ABCB9: variants seen among roughly 807,000 people sequenced by gnomAD.
ABCB9 encodes the protein ABC-type oligopeptide transporter ABCB9.
Under a neutral mutation model 62.0 loss-of-function variants are expected in ABCB9, and 36 were observed. The ratio of observed to expected loss-of-function variants is 0.58; its 90% CI spans 0.45 to 0.77. The LOEUF is 0.77. Ranked by LOEUF, ABCB9 falls within the 30% of genes least tolerant of loss-of-function variation. ABCB9 has a pLI of 0.00. For missense variants in ABCB9, 943 were observed against 1,054.7 expected, an observed-to-expected ratio of 0.89 and a Z score of 1.47; for synonymous variants, 435 against 461.4, an observed-to-expected ratio of 0.94 and a Z score of 0.73.
rs1233986604 is a variant in ABCB9, at chr12:122,944,044, TTCTCC to T, written c.1380+342_1380+346del. ...ACCTCTGCCTCCAGGGTTCAAGCAA[TTCTCC>T]TCTCAAGTAGCTGGGATTACAGGTA... is the stretch of plus-strand genomic sequence containing the variant. On this transcript the variant is annotated intron_variant, in intron 7 of 11. Transcript: ENST00000280560. This position sits in a 1 kb window ranked among gnomAD's most constrained non-coding sequence, Gnocchi z 4.9. 6.6e-6 allele frequency among the ~76,000 whole-genome samples: 1 copy of T among 152,188 alleles called. No individual in the cohort carries two copies. The highest frequency in any genetic ancestry group is 1.5e-5 in the Non-Finnish European group (1 of 68,032).
downstream of ABCB9, among the ~76,000 whole-genome samples, chr12:122,919,881 G>GTTTA (rs200114805): frequency 0.051 from 7,115 of 138,766 alleles, 272 homozygotes; most frequent in South Asian, 0.18. Flanking sequence ...CTGTTTGTTT[G>GTTTA]TTTATTTATT....
At position 122,948,792 on chromosome 12, in the gene ABCB9, C is replaced by A; in HGVS notation, c.885G>T (p.Met295Ile). ...LISRLTSDTT[M>I]VSDLVSQNIN... ...TGTTCTGGGAGACCAGGTCGCTGAC[C>A]ATGGTGGTGTCCGAGGTCAGGCGGG... Residue 295 changes from methionine (M) to isoleucine (I), a missense_variant, in exon 5 of 12, where the codon ATG (methionine) becomes ATT (isoleucine). By Grantham distance (10) the Met-to-Ile change is conservative. Transcript: ENST00000280560. 1 of 1,599,820 alleles carries A rather than the reference C, an allele frequency of 6.3e-7. No individual in the cohort carries two copies. Among genetic ancestry groups the A allele is most frequent in the Non-Finnish European group, 8.5e-7 (1 of 1,172,436 alleles).
chr12:122,925,388 T>C (rs1275685122), downstream of ABCB9, among the ~76,000 whole-genome samples: 1 of 152,030 alleles, frequency 6.6e-6, no homozygotes, highest in Non-Finnish European at 1.5e-5. Flanking sequence ...AGAGTTCTCA[T>C]GGGACCCAGC....
intron 1 of ABCB9, among the ~76,000 whole-genome samples, chr12:122,973,495 C>T (rs1222597752): frequency 8.1e-6 from 1 of 123,372 alleles, no homozygotes; most frequent in Non-Finnish European, 1.6e-5. Context: ...ACCCGGGAAG[C>T]GGAGCTTGCA....
In ABCB9 at chr12:122,947,118, C is replaced by G. The variant is rs1442762810; in HGVS notation, c.1054-896G>C. 6.6e-6 allele frequency among the ~76,000 whole-genome samples: 1 copy of G among 152,164 alleles called. No homozygotes were observed. The highest frequency in any genetic ancestry group is 1.5e-5 in the Non-Finnish European group (1 of 68,028). ...AAACCCAAACAGAGCCTTCCTGAGG[C>G]CTCCCTTAGCTGAACTAAAAGGCAG... On this transcript the variant is annotated intron_variant, in intron 5 of 11. Coordinates refer to ENST00000280560, the MANE Select transcript of ABCB9 (RefSeq NM_019625.4). This position sits in a 1 kb window ranked among gnomAD's most constrained non-coding sequence, Gnocchi z 6.0.
At chr12:122,945,605 C>T (rs117572343) in intron 6 of ABCB9, among the ~76,000 whole-genome samples, 6,546 of 152,184 alleles carry the variant, frequency 0.043, 183 homozygotes, top group Middle Eastern at 0.075. Flanking sequence ...CAGCAGGGCG[C>T]GGTGGCTCAC....
intron 5 of ABCB9, chr12:122,946,479 T>C: frequency 1.9e-6 from 1 of 535,802 alleles, no homozygotes; most frequent in Non-Finnish European, 3.4e-6. Flanking sequence ...ACGGTGCTGA[T>C]CGTTAAGTCA....
At chr12:122,928,865 A>G (rs562953479), downstream of ABCB9, 28 of 292,748 alleles carry the variant, frequency 9.6e-5, no homozygotes, top group African/African-American at 5.0e-4. Context: ...TCCCAGACAC[A>G]GGGGGAGGCC....
chr12:122,960,567 G>A (rs775890927), intron 1 of ABCB9, among the ~76,000 whole-genome samples: 6 of 152,080 alleles, frequency 3.9e-5, no homozygotes, highest in Non-Finnish European at 8.8e-5. Flanking sequence ...CTGCTCTCCT[G>A]GAGATGACAT....
rs747721584 is a variant in ABCB9, at chr12:122,940,845, A to G, written c.1531T>C (p.Phe511Leu). The G allele has an allele frequency of 7.5e-6, 12 of 1,608,654 alleles. No homozygotes were observed. The highest frequency in any genetic ancestry group is 9.4e-6 in the Non-Finnish European group (11 of 1,176,440). Residue 511 changes from phenylalanine to leucine, a missense_variant, in exon 8 of 12, where the codon TTC (phenylalanine) becomes CTC (leucine). Coordinates refer to ENST00000280560, the MANE Select transcript of ABCB9 (RefSeq NM_019625.4). This position sits in a 1 kb window ranked among gnomAD's most constrained non-coding sequence, Gnocchi z 4.8. ...EGRVDFENVTFTYRTRPHTQV... is the reference protein window; with the variant it reads ...EGRVDFENVTLTYRTRPHTQV... ...GTGTGGGGCCGAGTGCGGTAGGTGA[A>G]GGTCACATTCTCAAAGTCCACCCGG...
chr12:122,929,756 G>A lies in ABCB9; in HGVS notation c.*155C>T. On this transcript the variant is annotated 3_prime_UTR_variant, in exon 12 of 12. Coordinates refer to ENST00000280560, the MANE Select transcript of ABCB9 (RefSeq NM_019625.4). This position sits in a 1 kb window ranked among gnomAD's most constrained non-coding sequence, Gnocchi z 6.0. ...GCCCTGGGAATGGGGCAGGGACCAG[G>A]GGCAAGATGCAGGAAGCGGTGATCC... The A allele has an allele frequency of 1.4e-6, 2 of 1,410,614 alleles. No homozygotes were observed. Among genetic ancestry groups the A allele is most frequent in the South Asian group, 1.6e-5 (1 of 61,842 alleles). 87.4% of individuals were successfully genotyped at this position (1,410,614 alleles called of 1,614,324 possible).
downstream of ABCB9, among the ~76,000 whole-genome samples, chr12:122,925,545 GA>G (rs1315492130): frequency 6.6e-6 from 1 of 152,084 alleles, no homozygotes; most frequent in African/African-American, 2.4e-5. Context: ...TCAAGAGATT[GA>G]GACCATTCTG....
chr12:122,943,557 T>G (rs2035880058), intron 7 of ABCB9, among the ~76,000 whole-genome samples: 1 of 152,204 alleles, frequency 6.6e-6, no homozygotes, highest in Admixed American at 6.5e-5. Context: ...CACAGAGCTG[T>G]TAAGACCATT....
chr12:122,929,974 C>T lies in ABCB9; in HGVS notation c.2238G>A (p.Gln746=). ...GGCCAGCTGTGAAGTCTGCGGCGGG[C>T]TGAAGCCCCAGCATCTGCCGCTGCA... ...KLVQRQMLGL[Q]PAADFTAGHN... is the part of the protein sequence containing the mutation. The change falls in exon 12 of 12, where the codon CAG becomes CAA. Residue 746 remains glutamine, a synonymous_variant. Transcript: ENST00000280560. This position sits in a 1 kb window ranked among gnomAD's most constrained non-coding sequence, Gnocchi z 6.0. 1 of 1,579,016 alleles carries T rather than the reference C, an allele frequency of 6.3e-7. No homozygotes were observed. The highest frequency in any genetic ancestry group is 8.6e-7 in the Non-Finnish European group (1 of 1,165,666).
At chr12:122,926,374 G>A (rs2034906123), downstream of ABCB9, among the ~76,000 whole-genome samples, 1 of 151,760 alleles carries the variant, frequency 6.6e-6, no homozygotes, top group Non-Finnish European at 1.5e-5. Flanking sequence ...GTGAAACACT[G>A]TCTCTACTAA....
chr12:122,922,894 A>C (rs1388587296), intron 11 of ABCB9, among the ~76,000 whole-genome samples: 2 of 150,824 alleles, frequency 1.3e-5, no homozygotes, highest in Non-Finnish European at 3.0e-5. Context: ...CCTGGGCTTA[A>C]GCGATTTTCC....
chr12:122,941,111 A>G, intron 7 of ABCB9, 116 bp from the exon 8 acceptor site: 1 of 1,178,852 alleles, frequency 8.5e-7, no homozygotes, highest in Non-Finnish European at 1.2e-6. Context: ...GGGGAGATGC[A>G]GGAGGCCACC....
intron 1 of ABCB9, chr12:122,972,738 C>T (rs905026163): frequency 1.3e-5 from 2 of 152,130 alleles, no homozygotes; most frequent in South Asian, 4.1e-4. Context: ...GTCTCGAACT[C>T]CTGACCTCAG....
At chr12:122,931,324 CTT>C (rs113551413) in intron 11 of ABCB9, 15 of 124,164 alleles carry the variant, frequency 1.2e-4, no homozygotes, top group Admixed American at 2.5e-4. Flanking sequence ...TGCGCCCAGC[CTT>C]TTTTTTTTTT....
Sources: allele counts gnomAD v4.1 joint callset (sites outside exome capture counted in the v4.1 genomes callset), GRCh38; gene constraint gnomAD v4.1.1; non-coding constraint Gnocchi (gnomAD v3.1); transcripts MANE v1.5; gene names NCBI Gene and HGNC (gene_info 2026-07-23, HGNC 2026-07-21).